CTNNA2: variants seen among roughly 807,000 people sequenced by gnomAD.
CTNNA2 encodes catenin alpha 2, also known as catenin alpha-2.
A neutral mutation model predicts 101.0 loss-of-function variants in CTNNA2; 42 were observed. The observed-to-expected ratio is 0.42, with a 90% CI of 0.32 to 0.54. The LOEUF (loss-of-function observed/expected upper bound fraction) is 0.54. Among genes scored for constraint, CTNNA2 ranks in the 20% least tolerant of loss-of-function variants. The pLI is 0.14. For missense variants in CTNNA2, 871 were observed against 1,223.1 expected (o/e 0.71, Z 4.29); for synonymous variants, 450 against 456.4 (o/e 0.99, Z 0.18).
At chr2:80,550,393 T>G (rs1692463158) in intron 11 of CTNNA2, among the ~76,000 whole-genome samples, 1 of 152,154 alleles carries the variant, frequency 6.6e-6, no homozygotes, top group Non-Finnish European at 1.5e-5. Context: ...CTGTGGCAAT[T>G]TCTTGAAGTA....
intron 7 of CTNNA2, among the ~76,000 whole-genome samples, chr2:79,988,466 A>G (rs200675120): frequency 8.7e-5 from 13 of 149,128 alleles, no homozygotes; most frequent in East Asian, 2.0e-4. Flanking sequence ...GTGTATGTGT[A>G]TGTGTGTGTG....
chr2:80,067,491 C>T (rs1240571532), intron 7 of CTNNA2, among the ~76,000 whole-genome samples: 1 of 151,958 alleles, frequency 6.6e-6, no homozygotes, highest in Non-Finnish European at 1.5e-5. Context: ...TTTGTTTTAT[C>T]TTTCTTAAAG....
chr2:80,327,276 T>A (rs889285290), intron 7 of CTNNA2, among the ~76,000 whole-genome samples: 2 of 152,150 alleles, frequency 1.3e-5, no homozygotes, highest in African/African-American at 2.4e-5. Context: ...TGCAAACAGA[T>A]CTCCTGCCTA....
chr2:80,499,160 C>G (rs1242517319), intron 9 of CTNNA2, among the ~76,000 whole-genome samples: 1 of 152,056 alleles, frequency 6.6e-6, no homozygotes. Flanking sequence ...TTCCTCTGGC[C>G]CCTATAAAAA....
chr2:79,642,843 C>T (rs965489248), intron 1 of CTNNA2, among the ~76,000 whole-genome samples: 5 of 151,378 alleles, frequency 3.3e-5, no homozygotes, highest in Admixed American at 6.6e-5. Flanking sequence ...CTCTCTTCAG[C>T]GCCAGAAAAT....
chr2:80,596,255 GT>G (rs113819418), intron 15 of CTNNA2, among the ~76,000 whole-genome samples: 1 of 98,996 alleles, frequency 1.0e-5, no homozygotes, highest in African/African-American at 3.7e-5. Context: ...GACTTAAGGA[GT>G]TTTTTTGGGC....
intron 1 of CTNNA2, among the ~76,000 whole-genome samples, chr2:79,619,520 C>T (rs915417573): frequency 6.6e-5 from 10 of 152,114 alleles, no homozygotes; most frequent in South Asian, 4.1e-4. Context: ...ATTTTTGAAA[C>T]GGTGATTTTT....
At chr2:79,545,632 A>G (rs1673684113) in intron 1 of CTNNA2, among the ~76,000 whole-genome samples, 1 of 152,206 alleles carries the variant, frequency 6.6e-6, no homozygotes, top group South Asian at 2.1e-4. Flanking sequence ...TTTTTTTAAA[A>G]AAAATATTAT....
At chr2:80,593,376 C>A (rs796294003) in intron 15 of CTNNA2, among the ~76,000 whole-genome samples, 1 of 151,304 alleles carries the variant, frequency 6.6e-6, no homozygotes, top group Non-Finnish European at 1.5e-5. Flanking sequence ...TTGCTGTTGG[C>A]TATTTGTTTC....
intron 2 of CTNNA2, among the ~76,000 whole-genome samples, chr2:79,307,238 G>T (rs1379079878): frequency 6.6e-6 from 1 of 152,070 alleles, no homozygotes; most frequent in East Asian, 1.9e-4. Flanking sequence ...TCTTTGTGCT[G>T]GGAATGTTCG....
intron 4 of CTNNA2, among the ~76,000 whole-genome samples, chr2:79,455,932 C>G (rs1670815644): frequency 6.6e-6 from 1 of 152,000 alleles, no homozygotes; most frequent in Non-Finnish European, 1.5e-5. Flanking sequence ...TAAAATATGA[C>G]AAGTTAGACC....
chr2:79,672,985 G>C (rs1682947953), intron 2 of CTNNA2, among the ~76,000 whole-genome samples: 1 of 152,048 alleles, frequency 6.6e-6, no homozygotes, highest in African/African-American at 2.4e-5. Flanking sequence ...TGGGATTACA[G>C]GTGTGAGCCA....
intron 18 of CTNNA2, among the ~76,000 whole-genome samples, chr2:80,640,574 G>A (rs1473982037): frequency 6.6e-6 from 1 of 152,144 alleles, no homozygotes. Context: ...AAGTGTTATT[G>A]ATATAGACTC....
intron 7 of CTNNA2, among the ~76,000 whole-genome samples, chr2:80,180,840 A>C (rs1446008145): frequency 1.3e-5 from 2 of 152,162 alleles, no homozygotes; most frequent in African/African-American, 4.8e-5. Flanking sequence ...GCTTGCTCAC[A>C]GTGGCTTTTG....
At chr2:79,659,581 C>T (rs1681870634) in intron 2 of CTNNA2, among the ~76,000 whole-genome samples, 1 of 152,112 alleles carries the variant, frequency 6.6e-6, no homozygotes, top group Non-Finnish European at 1.5e-5. Context: ...TGTGATTAAC[C>T]CATTTCCAAG....
intron 2 of CTNNA2, among the ~76,000 whole-genome samples, chr2:79,283,371 C>T (rs1339345917): frequency 1.0e-5 from 1 of 98,410 alleles, no homozygotes; most frequent in African/African-American, 3.1e-5. Flanking sequence ...AGGTTTTCTT[C>T]TAGGGTTTTT....
At chr2:79,835,890 CAA>C (rs1057037285) in intron 3 of CTNNA2, among the ~76,000 whole-genome samples, 5 of 151,920 alleles carry the variant, frequency 3.3e-5, no homozygotes, top group Non-Finnish European at 5.9e-5. Flanking sequence ...CTCGGCATCC[CAA>C]AGTGTCAGAA....
At chr2:80,094,770 T>G (rs961288412) in intron 7 of CTNNA2, among the ~76,000 whole-genome samples, 2 of 152,198 alleles carry the variant, frequency 1.3e-5, no homozygotes, top group Non-Finnish European at 2.9e-5. Flanking sequence ...TTGAAGCAAT[T>G]GTGAATGGGA....
At chr2:80,007,885 A>G (rs1693487765) in intron 7 of CTNNA2, among the ~76,000 whole-genome samples, 4 of 152,128 alleles carry the variant, frequency 2.6e-5, no homozygotes, top group Admixed American at 2.6e-4. Flanking sequence ...TTCAAGTTAC[A>G]CACGTGCTGG....
Sources: allele counts gnomAD v4.1 joint callset (sites outside exome capture counted in the v4.1 genomes callset), GRCh38; gene constraint gnomAD v4.1.1; transcripts MANE v1.5; gene names NCBI Gene and HGNC (gene_info 2026-07-23, HGNC 2026-07-21).